The following FKBP5 variants were observed in gnomAD, a reference collection of about 807,000 sequenced individuals.
FKBP5 encodes the protein peptidyl-prolyl cis-trans isomerase FKBP5.
Under a neutral mutation model 50.5 loss-of-function variants are expected in FKBP5, and 23 were observed. The observed-to-expected ratio is 0.46, with a 90% CI of 0.33 to 0.65. The LOEUF is 0.65. Ranked by LOEUF, FKBP5 falls within the 30% of genes least tolerant of loss-of-function variation. The pLI is 0.02. For synonymous variants in FKBP5, 176 were observed against 190.6 expected (o/e 0.92, Z 0.63); for missense variants, 411 against 553.1 (o/e 0.74, Z 2.58).
chr6:35,727,980 C>T (rs1299518268), intron 1 of FKBP5, among the ~76,000 whole-genome samples: 1 of 152,218 alleles, frequency 6.6e-6, no homozygotes, highest in African/African-American at 2.4e-5. Context: ...AGGTTGCTCG[C>T]CAACCCCTGC....
intron 5 of FKBP5, among the ~76,000 whole-genome samples, chr6:35,603,638 AT>A (rs34364427): frequency 0.7 from 102,399 of 146,506 alleles, 35,393 homozygotes; most frequent in East Asian, 0.72. Flanking sequence ...ATTGGCTGGA[AT>A]TTTTTTTTTT....
At chr6:35,669,940 T>G (rs1203565088) in intron 1 of FKBP5, among the ~76,000 whole-genome samples, 1 of 152,214 alleles carries the variant, frequency 6.6e-6, no homozygotes. Flanking sequence ...CTATCTTGCC[T>G]CAGATTACTG....
chr6:35,615,621 T>C (rs1455747717), intron 5 of FKBP5, among the ~76,000 whole-genome samples: 1 of 152,058 alleles, frequency 6.6e-6, no homozygotes, highest in African/African-American at 2.4e-5. Flanking sequence ...ACTGAATAAA[T>C]ATACAGTAGG....
upstream of FKBP5, among the ~76,000 whole-genome samples, chr6:35,689,317 C>A (rs191024490): frequency 6.6e-6 from 1 of 152,122 alleles, no homozygotes; most frequent in Admixed American, 6.5e-5. Flanking sequence ...ACCTAGAGGC[C>A]GGAGAGGGGC....
At chr6:35,706,040 C>T (rs1334300073) in intron 2 of FKBP5, among the ~76,000 whole-genome samples, 2 of 151,880 alleles carry the variant, frequency 1.3e-5, no homozygotes, top group African/African-American at 4.8e-5. Flanking sequence ...AACTGGGAGG[C>T]GGAGCTTGTA....
intron 1 of FKBP5, among the ~76,000 whole-genome samples, chr6:35,682,744 A>AATGTACTAC (rs1765703678): frequency 6.6e-6 from 1 of 151,906 alleles, no homozygotes; most frequent in South Asian, 2.1e-4. Context: ...ATACAATTCA[A>AATGTACTAC]ATGTACTACA....
chr6:35,586,490 G>A (rs1316811954), intron 8 of FKBP5: 4 of 988,186 alleles, frequency 4.0e-6, no homozygotes, highest in Non-Finnish European at 3.6e-6. Flanking sequence ...AGATGGGCCC[G>A]GTGCAGTGGC....
intron 1 of FKBP5, among the ~76,000 whole-genome samples, chr6:35,654,322 C>T (rs996917742): frequency 3.3e-5 from 5 of 152,168 alleles, no homozygotes; most frequent in African/African-American, 1.2e-4. Context: ...AGATCCAAAA[C>T]ACTTCTTGTC....
intron 1 of FKBP5, among the ~76,000 whole-genome samples, chr6:35,684,863 CT>C (rs1475614422): frequency 2.6e-5 from 4 of 152,028 alleles, no homozygotes. Context: ...CTTATCTCTA[CT>C]AAAAATTAAA....
intron 2 of FKBP5, among the ~76,000 whole-genome samples, chr6:35,710,249 TAGG>T: frequency 6.6e-6 from 1 of 151,766 alleles, no homozygotes; most frequent in South Asian, 2.1e-4. Flanking sequence ...GAGGCTGAGG[TAGG>T]AGGATTGCTT....
chr6:35,577,179 G>T lies in FKBP5; in HGVS notation c.1081C>A (p.Gln361Lys). ...GACTCAAACTCGTTCATGAGCAGCT[G>T]GGCTTCACCCCTCCTATACAAGCCT... ...EKGLYRRGEA[Q>K]LLMNEFESAK... The change falls in exon 10 of 11, where the codon CAG (glutamine) becomes AAG (lysine). Residue 361 changes from glutamine to lysine, a missense_variant. Around this residue, in one of 3 missense-constraint regions of FKBP5, gnomAD observed 267 missense variants for 405.9 expected, o/e 0.66. Coordinates refer to ENST00000357266, the MANE Select transcript of FKBP5 (RefSeq NM_004117.4). 6.2e-7 allele frequency: 1 copy of T among 1,614,044 alleles called. No homozygotes were observed. Among genetic ancestry groups the T allele is most frequent in the Non-Finnish European group, 8.5e-7 (1 of 1,179,940 alleles).
chr6:35,578,035 CAG>C (rs1186306918), intron 9 of FKBP5, among the ~76,000 whole-genome samples: 2 of 122,000 alleles, frequency 1.6e-5, no homozygotes, highest in Non-Finnish European at 3.2e-5. Flanking sequence ...GGCTGGGTGA[CAG>C]AGTGAGACTC....
intron 1 of FKBP5, among the ~76,000 whole-genome samples, chr6:35,674,422 TG>T (rs557775430): frequency 6.6e-6 from 1 of 152,288 alleles, no homozygotes; most frequent in East Asian, 1.9e-4. Context: ...ATGGAAAAGA[TG>T]TCACACTTCT....
At chr6:35,604,310 G>A in intron 5 of FKBP5, among the ~76,000 whole-genome samples, 1 of 152,178 alleles carries the variant, frequency 6.6e-6, no homozygotes, top group Middle Eastern at 3.2e-3. Flanking sequence ...TGGCTGGCCA[G>A]AAAGACTTAT....
At chr6:35,689,725 T>C (rs1350872859), upstream of FKBP5, among the ~76,000 whole-genome samples, 1 of 152,008 alleles carries the variant, frequency 6.6e-6, no homozygotes, top group Non-Finnish European at 1.5e-5. Flanking sequence ...CCGTCCCAGC[T>C]ACTCGGGAGG....
chr6:35,692,400 G>A (rs1183868357), upstream of FKBP5, among the ~76,000 whole-genome samples: 1 of 152,236 alleles, frequency 6.6e-6, no homozygotes, highest in African/African-American at 2.4e-5. Context: ...AGCAGAGCTT[G>A]TACTTGAACT....
intron 6 of FKBP5, among the ~76,000 whole-genome samples, chr6:35,592,719 A>G (rs1000124661): frequency 6.6e-6 from 1 of 152,222 alleles, no homozygotes; most frequent in East Asian, 1.9e-4. Flanking sequence ...GATCTCAACC[A>G]GGTTGATTTT....
At chr6:35,674,556 C>T (rs976307282) in intron 1 of FKBP5, among the ~76,000 whole-genome samples, 2 of 152,234 alleles carry the variant, frequency 1.3e-5, no homozygotes, top group Non-Finnish European at 2.9e-5. Context: ...TTCATTATCA[C>T]TCAATGTTCT....
In FKBP5 at chr6:35,637,009, C is replaced by CT. The variant is rs1166214806; in HGVS notation, c.250+4dup. 1 of 1,591,406 alleles carries CT rather than the reference C, an allele frequency of 6.3e-7. No homozygotes were observed. Among genetic ancestry groups the CT allele is most frequent in the Non-Finnish European group, 8.5e-7 (1 of 1,174,690 alleles). On this transcript the variant is annotated splice_donor_region_variant and intron_variant, in intron 3 of 10. Transcript: ENST00000357266. ...AAAACACAACTCAAAAAAATACCCT[C>CT]TTACCTTTGCCAAGACTAAAGACAA...
Sources: gnomAD v4.1 joint callset for allele counts (sites outside exome capture counted in the v4.1 genomes callset) on GRCh38, gnomAD v4.1.1 for gene constraint, gnomAD v4.1.1 regional missense constraint, MANE v1.5 for transcripts, NCBI Gene and HGNC (gene_info 2026-07-23, HGNC 2026-07-21) for gene names.